Variants in ZFPM2 observed in about 807,000 individuals in gnomAD.
ZFPM2 encodes the protein zinc finger protein ZFPM2.
A neutral mutation model predicts 98.6 loss-of-function variants in ZFPM2; 20 were observed. The ratio of observed to expected loss-of-function variants is 0.20; its 90% confidence interval spans 0.14 to 0.29. ZFPM2 has a LOEUF of 0.29. Among genes scored for constraint, ZFPM2 ranks in the 10% least tolerant of loss-of-function variants. ZFPM2 has a pLI of 1.00. For missense variants in ZFPM2, 1,310 were observed against 1,388.6 expected (o/e 0.94, Z 0.90); for synonymous variants, 518 against 502.7 (o/e 1.03, Z -0.41).
rs1563630773 is a variant in ZFPM2, at chr8:105,380,637, T to TATATATATATTATATATAAC, written c.41-38499_41-38498insATTATATATAACATATATAT. ...TATATTATATATAACATATATATTA[T>TATATATATATTATATATAAC]ATATATATTATATATATATATTATA... On this transcript the variant is annotated intron_variant, in intron 1 of 7. Transcript: ENST00000407775. Among the ~76,000 whole-genome samples the TATATATATATTATATATAAC allele has an allele frequency of 9.5e-4, 13 of 13,736 alleles. 2 individuals carry two copies. The highest frequency in any genetic ancestry group is 6.1e-4 in the Non-Finnish European group (4 of 6,588). The allele number at this position is 13,736 out of a possible 152,430, so 9.0% of individuals were successfully genotyped here. A position where few individuals can be genotyped will look rare whatever the true frequency, so the allele number is the denominator to read the frequency against.
intron 5 of ZFPM2, among the ~76,000 whole-genome samples, chr8:105,711,083 G>A (rs1369911454): frequency 6.6e-6 from 1 of 151,652 alleles, no homozygotes; most frequent in East Asian, 1.9e-4. Context: ...TTTAAGGTAG[G>A]TGTCAGCAAA....
intron 1 of ZFPM2, among the ~76,000 whole-genome samples, chr8:105,340,476 A>T (rs998868913): frequency 1.3e-5 from 2 of 151,998 alleles, no homozygotes; most frequent in African/African-American, 4.8e-5. Flanking sequence ...TTTTAAGAAG[A>T]TAAATCTGAA....
chr8:105,700,005 G>T (rs767620484), intron 5 of ZFPM2, among the ~76,000 whole-genome samples: 2 of 152,076 alleles, frequency 1.3e-5, no homozygotes, highest in Non-Finnish European at 2.9e-5. Context: ...TAAAATGTAT[G>T]ATTTTGCCTA....
intron 5 of ZFPM2, among the ~76,000 whole-genome samples, chr8:105,711,620 T>A (rs149048865): frequency 8.3e-4 from 127 of 152,228 alleles, no homozygotes; most frequent in African/African-American, 2.9e-3. Context: ...TATATACCAC[T>A]GTACAAGGAG....
At chr8:105,764,701 G>A (rs1812819835) in intron 5 of ZFPM2, among the ~76,000 whole-genome samples, 1 of 151,248 alleles carries the variant, frequency 6.6e-6, no homozygotes, top group African/African-American at 2.4e-5. Flanking sequence ...TTAGTTTCAT[G>A]GTTCATTGCT....
At chr8:105,453,168 A>T (rs1243484580) in intron 3 of ZFPM2, among the ~76,000 whole-genome samples, 1 of 152,232 alleles carries the variant, frequency 6.6e-6, no homozygotes, top group Non-Finnish European at 1.5e-5. Flanking sequence ...TTATGTTTTC[A>T]ACTACATATT....
chr8:105,598,173 T>G (rs1816013165), intron 4 of ZFPM2, among the ~76,000 whole-genome samples: 1 of 151,420 alleles, frequency 6.6e-6, no homozygotes, highest in African/African-American at 2.4e-5. Flanking sequence ...GACTAATTAA[T>G]TCCCATGAGA....
chr8:105,464,688 G>A (rs1289414163), intron 3 of ZFPM2, among the ~76,000 whole-genome samples: 1 of 151,700 alleles, frequency 6.6e-6, no homozygotes, highest in African/African-American at 2.4e-5. Context: ...AATAATTATA[G>A]TTCCAGCCGA....
chr8:105,571,778 T>G (rs1314670006), intron 4 of ZFPM2, among the ~76,000 whole-genome samples: 1 of 152,184 alleles, frequency 6.6e-6, no homozygotes, highest in African/African-American at 2.4e-5. Context: ...TCAAAATTAC[T>G]TAGGGATAAT....
At chr8:105,744,512 A>T (rs1004418656) in intron 5 of ZFPM2, among the ~76,000 whole-genome samples, 1 of 152,156 alleles carries the variant, frequency 6.6e-6, no homozygotes, top group Admixed American at 6.5e-5. Flanking sequence ...AGAAAGGCAG[A>T]TACTAATGAC....
chr8:105,342,224 T>C (rs1314590826), intron 1 of ZFPM2, among the ~76,000 whole-genome samples: 2 of 152,028 alleles, frequency 1.3e-5, no homozygotes, highest in African/African-American at 4.8e-5. Flanking sequence ...CTGCCACATA[T>C]GTTGGTTATA....
chr8:105,726,912 A>G (rs1289824831), intron 5 of ZFPM2, among the ~76,000 whole-genome samples: 1 of 151,704 alleles, frequency 6.6e-6, no homozygotes, highest in Non-Finnish European at 1.5e-5. Flanking sequence ...TGTATAGAAC[A>G]TGCGAAGAGT....
intron 4 of ZFPM2, among the ~76,000 whole-genome samples, chr8:105,618,695 G>A (rs543196052): frequency 2.0e-5 from 3 of 152,132 alleles, no homozygotes; most frequent in African/African-American, 7.2e-5. Context: ...ACATAAATGC[G>A]TTTATTATAT....
intron 4 of ZFPM2, among the ~76,000 whole-genome samples, chr8:105,589,342 C>T (rs1032593098): frequency 3.9e-5 from 6 of 152,118 alleles, no homozygotes; most frequent in African/African-American, 9.7e-5. Flanking sequence ...ATTTCTCAAG[C>T]GTCAACAAGG....
chr8:105,618,279 A>G (rs940495333), intron 4 of ZFPM2, among the ~76,000 whole-genome samples: 2 of 152,146 alleles, frequency 1.3e-5, no homozygotes, highest in Non-Finnish European at 2.9e-5. Flanking sequence ...TTTCTTATAG[A>G]TTTGCTAAGA....
intron 1 of ZFPM2, among the ~76,000 whole-genome samples, chr8:105,362,661 T>C (rs1810427269): frequency 6.6e-6 from 1 of 152,230 alleles, no homozygotes. Context: ...ACAGTTCCTT[T>C]TCTCAAAATG....
intron 5 of ZFPM2, among the ~76,000 whole-genome samples, chr8:105,768,771 G>A (rs775733088): frequency 6.6e-6 from 1 of 151,722 alleles, no homozygotes; most frequent in African/African-American, 2.4e-5. Flanking sequence ...CACAGTTGAA[G>A]TCATGAACTA....
At chr8:105,487,013 G>A (rs1165161607) in intron 3 of ZFPM2, among the ~76,000 whole-genome samples, 3 of 152,172 alleles carry the variant, frequency 2.0e-5, no homozygotes, top group Non-Finnish European at 4.4e-5. Context: ...AGTACTCACA[G>A]TGGCTTGTCA....
intron 4 of ZFPM2, among the ~76,000 whole-genome samples, chr8:105,597,362 T>C (rs1338535793): frequency 6.6e-6 from 1 of 152,148 alleles, no homozygotes; most frequent in African/African-American, 2.4e-5. Flanking sequence ...TAAAACTAAG[T>C]ATATGGAGAT....
Sources: allele counts gnomAD v4.1 joint callset (sites outside exome capture counted in the v4.1 genomes callset), GRCh38; gene constraint gnomAD v4.1.1; transcripts MANE v1.5; gene names NCBI Gene and HGNC (gene_info 2026-07-23, HGNC 2026-07-21).